MRM3: variants seen among roughly 807,000 people sequenced by gnomAD.
MRM3 encodes mitochondrial rRNA methyltransferase 3.
In MRM3, 26 loss-of-function variants were observed where a neutral mutation model predicts 29.4. The ratio of observed to expected loss-of-function variants is 0.89; its 90% CI spans 0.65 to 1.23. The LOEUF is 1.23. MRM3 is among the 50% of genes most tolerant of loss of function. The pLI, the probability that MRM3 is intolerant of heterozygous loss-of-function variation, is 0.00. For missense variants in MRM3, 578 were observed against 540.2 expected (o/e 1.07, Z -0.69); for synonymous variants, 225 against 219.0 (o/e 1.03, Z -0.24).
In MRM3 at chr17:787,948, C is replaced by T. The variant is rs908792432; in HGVS notation, c.560-17C>T. 6.2e-7 allele frequency: 1 copy of T among 1,612,580 alleles called. No homozygotes were observed. Among genetic ancestry groups the T allele is most frequent in the Non-Finnish European group, 8.5e-7 (1 of 1,179,688 alleles). ...TGCCCACACCAGGCAAGTAAACCACCTGTTTTGTTTCCTCAGGGATTTTTG... is the reference window on the plus strand; with the variant it reads ...TGCCCACACCAGGCAAGTAAACCACTTGTTTTGTTTCCTCAGGGATTTTTG... On this transcript the variant is annotated splice_polypyrimidine_tract_variant and intron_variant, in intron 2 of 3. Coordinates refer to ENST00000304478, the MANE Select transcript of MRM3 (RefSeq NM_018146.4). The surrounding 1 kb of genome is among the most constrained non-coding windows in gnomAD (Gnocchi z 4.1).
Position 782,687 on chromosome 17 carries a change from G to A in MRM3, c.309G>A (p.Arg103=), listed in dbSNP as rs1027499245. 1 of 1,598,836 alleles carries A rather than the reference G, an allele frequency of 6.3e-7. No homozygotes were observed. The highest frequency in any genetic ancestry group is 1.3e-5 in the African/African-American group (1 of 74,622). Residue 103 remains arginine (R), a synonymous_variant, in exon 1 of 4, where the codon AGG becomes AGA. Coordinates refer to ENST00000304478, the MANE Select transcript of MRM3 (RefSeq NM_018146.4). ...ATAAAGCTTATCCCGGGGACAGGAG[G>A]CTGAGGTGATGTGGTTCTTGAGCCT... is the stretch of plus-strand genomic sequence containing the variant. ...RYDKAYPGDR[R]LSSVMTIVKS...
rs1910170714 is a variant in MRM3, at chr17:782,551, C to A, written c.173C>A (p.Pro58His). 1 of 1,613,814 alleles carries A rather than the reference C, an allele frequency of 6.2e-7. No individual in the cohort carries two copies. The highest frequency in any genetic ancestry group is 1.1e-5 in the South Asian group (1 of 91,090). Residue 58 changes from proline to histidine, a missense_variant, in exon 1 of 4, where the codon CCC becomes CAC. Transcript: ENST00000304478. The stretch of plus-strand genomic sequence containing the variant: ...CAGAAGCGCGCTCCTGGGAAGCAGC[C>A]CCGCAAGGCACCATCTGAGGCCAGT... The part of the protein sequence containing the change: ...VEQKRAPGKQ[P>H]RKAPSEASAQ...
At chr17:789,121 A>C (rs562844550) in intron 3 of MRM3, among the ~76,000 whole-genome samples, 40 of 152,310 alleles carry the variant, frequency 2.6e-4, no homozygotes, top group Admixed American at 2.6e-3. Flanking sequence ...CGCCATACCC[A>C]GCCATGTTTA....
At chr17:783,671 A>G (rs1490978582) in intron 2 of MRM3, among the ~76,000 whole-genome samples, 2 of 152,192 alleles carry the variant, frequency 1.3e-5, no homozygotes, top group Non-Finnish European at 2.9e-5. Context: ...GAGACCTAGG[A>G]TTAATTTCTC....
chr17:791,491 G>A, intron 3 of MRM3, 43 bp from the exon 4 acceptor site: 1 of 1,582,150 alleles, frequency 6.3e-7, no homozygotes. Context: ...CCCTGGTCTG[G>A]GAAGATTTGT....
Position 783,097 on chromosome 17 carries a change from T to C in MRM3, c.329T>C (p.Ile110Thr), listed in dbSNP as rs1248070207. Reference protein sequence around the residue: ...GDRRLSSVMTIVKSRPFREKQ... With the variant: ...GDRRLSSVMTTVKSRPFREKQ... ...TCCATCTACAGCAGTGTAATGACAA[T>C]AGTAAAGTCCAGGCCATTTCGGGAA... Residue 110 changes from isoleucine to threonine, a missense_variant, in exon 2 of 4, where the codon ATA (isoleucine) becomes ACA (threonine). By Grantham distance (89) the Ile-to-Thr change is moderately conservative. Transcript: ENST00000304478. 1 of 1,612,546 alleles carries C rather than the reference T, an allele frequency of 6.2e-7. No homozygotes were observed. The highest frequency in any genetic ancestry group is 8.5e-7 in the Non-Finnish European group (1 of 1,179,260).
chr17:789,684 C>T (rs985855427), intron 3 of MRM3: 4 of 152,246 alleles, frequency 2.6e-5, no homozygotes. Context: ...GTGAGAGCTA[C>T]GTGCTGGGGT....
At position 783,277 on chromosome 17, in the gene MRM3, T is replaced by C. The variant is rs746932398; in HGVS notation, c.509T>C (p.Phe170Ser). The C allele has an allele frequency of 5.6e-6, 9 of 1,613,914 alleles. No individual in the cohort carries two copies. The highest frequency in any genetic ancestry group is 4.0e-5 in the African/African-American group (3 of 74,880). ...LKGVSLIKVK[F>S]EDIKDWSDLV... ...GGTGTCAGCCTCATTAAGGTGAAAT[T>C]TGAGGATATCAAGGATTGGTCCGAC... The change falls in exon 2 of 4, where the codon TTT becomes TCT. Residue 170 changes from phenylalanine to serine, a missense_variant. Coordinates refer to ENST00000304478, the MANE Select transcript of MRM3 (RefSeq NM_018146.4).
Position 791,576 on chromosome 17 carries a change from T to C in MRM3, c.770T>C (p.Met257Thr). 1 of 1,614,224 alleles carries C rather than the reference T, an allele frequency of 6.2e-7. No homozygotes were observed. Among genetic ancestry groups the C allele is most frequent in the Non-Finnish European group, 8.5e-7 (1 of 1,180,034 alleles). Residue 257 changes from methionine (M) to threonine (T), a missense_variant, in exon 4 of 4, where the codon ATG becomes ACG. Transcript: ENST00000304478. ...GAGCCCAAAGTGCTCCGGGCGGGTA[T>C]GGGCGCACATTTCCGGATGCCCATT... ...AWEPKVLRAGMGAHFRMPIIN... is the reference protein window; with the variant it reads ...AWEPKVLRAGTGAHFRMPIIN...
At position 791,577 on chromosome 17, in the gene MRM3, G is replaced by C; in HGVS notation, c.771G>C (p.Met257Ile). The change falls in exon 4 of 4, where the codon ATG (methionine) becomes ATC (isoleucine). Residue 257 changes from methionine (M) to isoleucine (I), a missense_variant. By Grantham distance (10) the Met-to-Ile change is conservative (BLOSUM62 1). Coordinates refer to ENST00000304478, the MANE Select transcript of MRM3 (RefSeq NM_018146.4). The stretch of plus-strand genomic sequence containing the variant: ...AGCCCAAAGTGCTCCGGGCGGGTAT[G>C]GGCGCACATTTCCGGATGCCCATTA... ...AWEPKVLRAG[M>I]GAHFRMPIIN... The C allele has an allele frequency of 6.2e-7, 1 of 1,614,172 alleles. No homozygotes were observed. The highest frequency in any genetic ancestry group is 2.2e-5 in the East Asian group (1 of 44,886).
At chr17:790,986 C>G (rs1243391594) in intron 3 of MRM3, among the ~76,000 whole-genome samples, 1 of 150,226 alleles carries the variant, frequency 6.7e-6, no homozygotes, top group East Asian at 2.0e-4. Flanking sequence ...TTGGCTGGCT[C>G]ACCTCCTGTG....
At chr17:786,074 A>G (rs1324147289) in intron 2 of MRM3, among the ~76,000 whole-genome samples, 1 of 152,180 alleles carries the variant, frequency 6.6e-6, no homozygotes, top group East Asian at 1.9e-4. Flanking sequence ...GCTTTTAAGA[A>G]GGGTTTGAGC....
At chr17:783,851 C>A (rs976772167) in intron 2 of MRM3, among the ~76,000 whole-genome samples, 1 of 152,108 alleles carries the variant, frequency 6.6e-6, no homozygotes, top group African/African-American at 2.4e-5. Context: ...ACCACTATTC[C>A]TCAAACCTTC....
Position 782,590 on chromosome 17 carries a change from G to C in MRM3, c.212G>C (p.Arg71Pro), listed in dbSNP as rs746289852. The change falls in exon 1 of 4, where the codon CGA becomes CCA. Residue 71 changes from arginine (R) to proline (P), a missense_variant. Coordinates refer to ENST00000304478, the MANE Select transcript of MRM3 (RefSeq NM_018146.4). ...APSEASAQEQ[R>P]EKQPLEESAS... Reference sequence around the variant, plus strand: ...TCTGAGGCCAGTGCCCAGGAGCAACGAGAGAAACAACCGCTCGAGGAGTCC... The same window carrying C: ...TCTGAGGCCAGTGCCCAGGAGCAACCAGAGAAACAACCGCTCGAGGAGTCC... 24 of 1,613,962 alleles carry C rather than the reference G, an allele frequency of 1.5e-5. No homozygotes were observed. Among genetic ancestry groups the C allele is most frequent in the Non-Finnish European group, 2.0e-5 (24 of 1,180,012 alleles).
intron 2 of MRM3, among the ~76,000 whole-genome samples, chr17:784,020 C>G (rs886766150): frequency 2.6e-5 from 4 of 152,176 alleles, no homozygotes; most frequent in African/African-American, 9.7e-5. Context: ...AAGCGAGGTA[C>G]AAGCCACAAT....
Position 787,647 on chromosome 17 carries a change from C to G in MRM3, c.560-318C>G, listed in dbSNP as rs748103279. ...CACCACAACCTCCACCTCCCAGATT[C>G]AAGCGATTCTCCTGCCTCAGCCTCC... On this transcript the variant is annotated intron_variant, in intron 2 of 3. Coordinates refer to ENST00000304478, the MANE Select transcript of MRM3 (RefSeq NM_018146.4). The surrounding 1 kb of genome is among the most constrained non-coding windows in gnomAD (Gnocchi z 4.1). 6.6e-6 allele frequency among the ~76,000 whole-genome samples: 1 copy of G among 152,110 alleles called. No individual in the cohort carries two copies. The highest frequency in any genetic ancestry group is 1.5e-5 in the Non-Finnish European group (1 of 68,036).
In MRM3 at chr17:782,390, G is replaced by A. The variant is rs1311696387; in HGVS notation, c.12G>A (p.Leu4=). The A allele has an allele frequency of 6.2e-7, 1 of 1,613,668 alleles. No individual in the cohort carries two copies. Among genetic ancestry groups the A allele is most frequent in the Non-Finnish European group, 8.5e-7 (1 of 1,179,894 alleles). MAA[L]VRPARFVVRP... is the part of the protein sequence containing the mutation. Reference sequence around the variant, plus strand: ...GGGTCTCAGGGAACATGGCGGCGCTGGTGAGACCCGCGAGGTTTGTCGTGC... The same window carrying A: ...GGGTCTCAGGGAACATGGCGGCGCTAGTGAGACCCGCGAGGTTTGTCGTGC... The change falls in exon 1 of 4, where the codon CTG becomes CTA. Residue 4 remains leucine (L), a synonymous_variant. Coordinates refer to ENST00000304478, the MANE Select transcript of MRM3 (RefSeq NM_018146.4).
chr17:790,701 C>A (rs1306273245), intron 3 of MRM3, among the ~76,000 whole-genome samples: 2 of 110,312 alleles, frequency 1.8e-5, no homozygotes, highest in Non-Finnish European at 3.4e-5. Context: ...CCTCCTGTGC[C>A]ACCACACCCC....
Position 791,859 on chromosome 17 carries a change from A to G in MRM3, c.1053A>G (p.Ala351=). 1 of 1,614,080 alleles carries G rather than the reference A, an allele frequency of 6.2e-7. No individual in the cohort carries two copies. The highest frequency in any genetic ancestry group is 8.5e-7 in the Non-Finnish European group (1 of 1,180,036). The change falls in exon 4 of 4, where the codon GCA becomes GCG. Residue 351 remains alanine (A), a synonymous_variant. Transcript: ENST00000304478. ...SYDSDWTEAP[A]AVVIGGETYG... is the part of the protein sequence containing the mutation. The stretch of plus-strand genomic sequence containing the variant: ...ACTCGGACTGGACAGAGGCGCCGGC[A>G]GCTGTGGTGATTGGCGGGGAGACCT...
Sources: allele counts gnomAD v4.1 joint callset (sites outside exome capture counted in the v4.1 genomes callset), GRCh38; gene constraint gnomAD v4.1.1; non-coding constraint Gnocchi (gnomAD v3.1); transcripts MANE v1.5; gene names NCBI Gene and HGNC (gene_info 2026-07-23, HGNC 2026-07-21).